Variants in FLI1 observed in about 807,000 individuals in gnomAD.
FLI1 encodes the protein Fli-1 proto-oncogene, ETS transcription factor, also known as Friend leukemia integration 1 transcription factor.
FLI1 carries 13 observed loss-of-function variants against 53.1 expected under a neutral mutation model. That is an observed-to-expected ratio of 0.24 (90% CI 0.16 to 0.39). The LOEUF is 0.39. Among genes scored for constraint, FLI1 ranks in the 10% least tolerant of loss-of-function variants. FLI1 has a pLI of 1.00. For synonymous variants in FLI1, 244 were observed against 236.7 expected (o/e 1.03, Z -0.28); for missense variants, 424 against 600.5 (o/e 0.71, Z 3.07).
chr11:128,699,146 G>C (rs1938214883), intron 1 of FLI1, among the ~76,000 whole-genome samples: 1 of 152,198 alleles, frequency 6.6e-6, no homozygotes, highest in South Asian at 2.1e-4. Flanking sequence ...TGTGTCATAA[G>C]TAGGTCTTGA....
intron 4 of FLI1, among the ~76,000 whole-genome samples, chr11:128,776,478 C>T (rs1941730256): frequency 1.3e-5 from 2 of 152,178 alleles, no homozygotes; most frequent in Non-Finnish European, 2.9e-5. Flanking sequence ...TGGTGAAACC[C>T]CGTCTCTACT....
At chr11:128,778,222 C>A (rs1454269835) in intron 4 of FLI1, among the ~76,000 whole-genome samples, 1 of 152,156 alleles carries the variant, frequency 6.6e-6, no homozygotes, top group Non-Finnish European at 1.5e-5. Context: ...TCAGTTTGAA[C>A]TGAAGTACAA....
At chr11:128,749,489 G>A (rs377450958) in intron 1 of FLI1, among the ~76,000 whole-genome samples, 2 of 152,112 alleles carry the variant, frequency 1.3e-5, no homozygotes, top group East Asian at 1.9e-4. Flanking sequence ...CGATTTCCAC[G>A]GACTAGAGGC....
At chr11:128,785,841 G>C (rs1032359841) in intron 5 of FLI1, among the ~76,000 whole-genome samples, 7 of 152,224 alleles carry the variant, frequency 4.6e-5, no homozygotes, top group South Asian at 2.1e-4. Context: ...GAGCGGCAAG[G>C]AGTGGAAATA....
chr11:128,753,867 A>T (rs1940750977), intron 1 of FLI1, among the ~76,000 whole-genome samples: 1 of 152,306 alleles, frequency 6.6e-6, no homozygotes, highest in South Asian at 2.1e-4. Flanking sequence ...TGGCATCATA[A>T]AAATGACAGT....
chr11:128,772,633 G>C, intron 3 of FLI1, 149 bp from the exon 4 acceptor site: 1 of 678,258 alleles, frequency 1.5e-6, no homozygotes, highest in Non-Finnish European at 2.6e-6. Context: ...AGCCTGATGA[G>C]TGTTCTAGGG....
chr11:128,798,225 T>C lies in FLI1; in HGVS notation c.656-7141T>C, dbSNP rs117038697. Among the ~76,000 whole-genome samples, 86 of 152,308 alleles carry C rather than the reference T, an allele frequency of 5.6e-4. 3 individuals carry two copies. In the East Asian group the frequency reaches 0.015, roughly 26 times the overall value. ...ACATGACCCAATATGGAAGGAAGTT[T>C]TGGCAAACACCCAGTTAATCTAGTC... On this transcript the variant is annotated intron_variant, in intron 5 of 8. Coordinates refer to ENST00000527786, the MANE Select transcript of FLI1 (RefSeq NM_002017.5).
intron 1 of FLI1, among the ~76,000 whole-genome samples, chr11:128,718,241 T>C (rs890314929): frequency 3.3e-5 from 5 of 152,178 alleles, no homozygotes; most frequent in African/African-American, 9.7e-5. Flanking sequence ...GGGCAGCTAT[T>C]ATGATTCAAA....
Position 128,810,761 on chromosome 11 carries a change from A to G in FLI1, c.1132A>G (p.Met378Val), listed in dbSNP as rs1213948992. 4 of 1,614,094 alleles carry G rather than the reference A, an allele frequency of 2.5e-6. No individual in the cohort carries two copies. Among genetic ancestry groups the G allele is most frequent in the Admixed American group, 1.7e-5 (1 of 60,036 alleles). The change falls in exon 9 of 9, where the codon ATG (methionine) becomes GTG (valine). Residue 378 changes from methionine (M) to valine (V), a missense_variant. Transcript: ENST00000527786. This position sits in a 1 kb window ranked among gnomAD's most constrained non-coding sequence, Gnocchi z 6.6. The stretch of plus-strand genomic sequence containing the variant: ...GCAGCCACATCCGACCGAGTCGTCC[A>G]TGTACAAGTACCCTTCTGACATCTC... Reference protein sequence around the residue: ...ALQPHPTESSMYKYPSDISYM... With the variant: ...ALQPHPTESSVYKYPSDISYM...
At chr11:128,785,904 C>G (rs1311903856) in intron 5 of FLI1, among the ~76,000 whole-genome samples, 1 of 152,166 alleles carries the variant, frequency 6.6e-6, no homozygotes, top group Admixed American at 6.5e-5. Context: ...TGAAAAGGTT[C>G]TGGAGCTGGA....
intron 5 of FLI1, among the ~76,000 whole-genome samples, chr11:128,789,712 G>C (rs1011907459): frequency 6.6e-6 from 1 of 152,226 alleles, no homozygotes. Context: ...GTGCAGGAGG[G>C]CGTGAGCTGG....
intron 5 of FLI1, among the ~76,000 whole-genome samples, chr11:128,793,508 T>C (rs1224792386): frequency 1.3e-5 from 2 of 152,174 alleles, no homozygotes; most frequent in African/African-American, 2.4e-5. Context: ...GAGCCAGGGC[T>C]TCATCCCAAT....
intron 4 of FLI1, among the ~76,000 whole-genome samples, chr11:128,778,798 A>G (rs1297110497): frequency 6.6e-6 from 1 of 152,222 alleles, no homozygotes; most frequent in African/African-American, 2.4e-5. Context: ...AAAGAGCCTC[A>G]AGGCAGGAGA....
chr11:128,781,842 T>A, intron 4 of FLI1, 116 bp from the exon 5 acceptor site: 1 of 817,006 alleles, frequency 1.2e-6, no homozygotes, highest in Non-Finnish European at 2.2e-6. Flanking sequence ...AGGAGTCCTC[T>A]GTCCCTCTTC....
At chr11:128,752,634 C>T (rs1234050411) in intron 1 of FLI1, among the ~76,000 whole-genome samples, 2 of 152,212 alleles carry the variant, frequency 1.3e-5, no homozygotes, top group African/African-American at 2.4e-5. Flanking sequence ...ATTTGGATCC[C>T]ACATCACACT....
intron 1 of FLI1, among the ~76,000 whole-genome samples, chr11:128,696,214 AC>A (rs1938067175): frequency 6.6e-6 from 1 of 152,092 alleles, no homozygotes; most frequent in South Asian, 2.1e-4. Flanking sequence ...GCTCCTCCAA[AC>A]CCTCCCTGTG....
At chr11:128,771,573 C>T (rs627677) in intron 3 of FLI1, among the ~76,000 whole-genome samples, 75,093 of 152,104 alleles carry the variant, frequency 0.49, 18,996 homozygotes, top group Admixed American at 0.61. Flanking sequence ...GGAGCCTTCA[C>T]AGACGCTGTA....
At chr11:128,690,944 T>C (rs1288275565), upstream of FLI1, among the ~76,000 whole-genome samples, 3 of 152,054 alleles carry the variant, frequency 2.0e-5, no homozygotes, top group African/African-American at 4.8e-5. Flanking sequence ...ATTGGAGCCA[T>C]GGTAAGCCAG....
At chr11:128,685,708 C>CAAAAAA (rs5795633), upstream of FLI1, among the ~76,000 whole-genome samples, 1 of 57,618 alleles carries the variant, frequency 1.7e-5, no homozygotes, top group Non-Finnish European at 3.5e-5. Context: ...CTTGAGGAGC[C>CAAAAAA]AAAAAAAAAA....
Sources: gnomAD v4.1 joint callset for allele counts (sites outside exome capture counted in the v4.1 genomes callset) on GRCh38, gnomAD v4.1.1 for gene constraint, Gnocchi (gnomAD v3.1) non-coding constraint, MANE v1.5 for transcripts, NCBI Gene and HGNC (gene_info 2026-07-23, HGNC 2026-07-21) for gene names.